Variants in MTHFD1 observed in about 807,000 individuals in gnomAD.
The protein encoded by MTHFD1 is C-1-tetrahydrofolate synthase, cytoplasmic.
In MTHFD1, 44 loss-of-function variants were observed where a neutral mutation model predicts 110.3. That is an observed-to-expected ratio of 0.40 (90% CI 0.31 to 0.51). The LOEUF is 0.51. Ranked by LOEUF, MTHFD1 falls within the 20% of genes least tolerant of loss-of-function variation. The pLI, the probability that MTHFD1 is intolerant of heterozygous loss-of-function variation, is 0.60. For synonymous variants in MTHFD1, 402 were observed against 428.8 expected (o/e 0.94, Z 0.77); for missense variants, 909 against 1,173.1 (o/e 0.77, Z 3.29).
At chr14:64,412,042 T>C (rs1314412133) in intron 3 of MTHFD1, among the ~76,000 whole-genome samples, 1 of 152,178 alleles carries the variant, frequency 6.6e-6, no homozygotes, top group Non-Finnish European at 1.5e-5. Context: ...GGGATTTACA[T>C]TGCCATGGTG....
rs2078016195 is a variant in MTHFD1, at chr14:64,415,258, T to TG, written c.241-94dup. 13 of 956,230 alleles carry TG rather than the reference T, an allele frequency of 1.4e-5. No individual in the cohort carries two copies. The East Asian group carries it at 2.9e-4, about 21-fold the overall frequency. 59.2% of individuals were successfully genotyped at this position (956,230 alleles called of 1,614,324 possible). A position where few individuals can be genotyped will look rare whatever the true frequency, so the allele number is the denominator to read the frequency against. ...TCTGAAAGGACTATAATTAAAGTGT[T>TG]GGGGGGAAATAGGGCAACCTAATTT... On this transcript the variant is annotated intron_variant, in intron 4 of 27. Coordinates refer to ENST00000652337, the MANE Select transcript of MTHFD1 (RefSeq NM_005956.4).
rs1293549216 is a variant in MTHFD1, at chr14:64,440,188, A to G, written c.1737A>G (p.Leu579=). 6 of 1,614,074 alleles carry G rather than the reference A, an allele frequency of 3.7e-6. No homozygotes were observed. Among genetic ancestry groups the G allele is most frequent in the South Asian group, 1.1e-5 (1 of 91,070 alleles). Residue 579 remains leucine, a synonymous_variant, in exon 18 of 28, where the codon CTA becomes CTG. Coordinates refer to ENST00000652337, the MANE Select transcript of MTHFD1 (RefSeq NM_005956.4). ...IMAVLALTTS[L]EDMRERLGKM... ...CTGTCCTGGCTCTCACCACTTCTCT[A>G]GAAGACATGAGAGAGAGACTGGGCA...
chr14:64,431,426 T>G, intron 13 of MTHFD1, 106 bp from the exon 14 acceptor site: 1 of 931,384 alleles, frequency 1.1e-6, no homozygotes, highest in South Asian at 1.4e-5. Context: ...TGGGCTGCCT[T>G]CAGTATTCCA....
chr14:64,424,002 C>G (rs917490350), intron 8 of MTHFD1, among the ~76,000 whole-genome samples: 4 of 152,206 alleles, frequency 2.6e-5, no homozygotes, highest in African/African-American at 9.7e-5. Context: ...GCCTGCTAAT[C>G]TCTTAATTCT....
At chr14:64,438,493 T>TTTGTACTCTGTACACTAACTCTG (rs1451314630) in intron 16 of MTHFD1, among the ~76,000 whole-genome samples, 3 of 152,246 alleles carry the variant, frequency 2.0e-5, no homozygotes, top group Admixed American at 2.0e-4. Flanking sequence ...CACTAAAATG[T>TTTGTACTCTGTACACTAACTCTG]TAACAGTAGT....
chr14:64,408,285 C>CCTTTTTTTTTTT lies in MTHFD1; in HGVS notation c.127-2805_127-2804insCTTTTTTTTTTT, dbSNP rs34166790. Among the ~76,000 whole-genome samples the CCTTTTTTTTTTT allele has an allele frequency of 2.5e-5, 3 of 121,208 alleles. 1 individual carries two copies. The allele number at this position is 121,208 out of a possible 152,430, so 79.5% of individuals were successfully genotyped here. Reference sequence around the variant, plus strand: ...CCACCTTCAAGGAGAAATCAGCATTCTTTTTTTTTTTTTTTTTTTTGAGAT... The same window carrying CCTTTTTTTTTTT: ...CCACCTTCAAGGAGAAATCAGCATTCCTTTTTTTTTTTTTTTTTTTTTTTTTTTTTTTGAGAT... On this transcript the variant is annotated intron_variant, in intron 2 of 27. Coordinates refer to ENST00000652337, the MANE Select transcript of MTHFD1 (RefSeq NM_005956.4).
Position 64,444,747 on chromosome 14 carries a change from A to G in MTHFD1, c.2178+13A>G. On this transcript the variant is annotated intron_variant, in intron 22 of 27. Coordinates refer to ENST00000652337, the MANE Select transcript of MTHFD1 (RefSeq NM_005956.4). ...TTACATACAGGAGGTAACCTGAGTT[A>G]TTTCTCATCACGTGTCCTAGAAAGC... is the stretch of plus-strand genomic sequence containing the variant. 6.2e-7 allele frequency: 1 copy of G among 1,613,728 alleles called. No homozygotes were observed. Among genetic ancestry groups the G allele is most frequent in the Non-Finnish European group, 8.5e-7 (1 of 1,179,702 alleles).
chr14:64,401,117 G>A (rs2077892790), intron 2 of MTHFD1, among the ~76,000 whole-genome samples: 1 of 151,776 alleles, frequency 6.6e-6, no homozygotes, highest in Admixed American at 6.6e-5. Flanking sequence ...TTTGGTCTTA[G>A]TAGGGCCCCT....
At chr14:64,390,815 A>G (rs1354602643) in intron 1 of MTHFD1, among the ~76,000 whole-genome samples, 1 of 152,012 alleles carries the variant, frequency 6.6e-6, no homozygotes, top group Non-Finnish European at 1.5e-5. Flanking sequence ...CGTCCGGCTA[A>G]TTTTTGTATT....
At chr14:64,437,011 A>T (rs2078211062) in intron 16 of MTHFD1, among the ~76,000 whole-genome samples, 1 of 152,120 alleles carries the variant, frequency 6.6e-6, no homozygotes, top group Non-Finnish European at 1.5e-5. Flanking sequence ...TGTGTGTCTG[A>T]TTGCTATATA....
At chr14:64,439,345 C>T (rs1026789248) in intron 17 of MTHFD1, 173 bp downstream of exon 17, 4 of 644,694 alleles carry the variant, frequency 6.2e-6, no homozygotes, top group Non-Finnish European at 1.1e-5. Context: ...ACAGCTTTTG[C>T]AATAAATCCC....
In MTHFD1 at chr14:64,449,479, C is replaced by A. The variant is rs372827157; in HGVS notation, c.2314C>A (p.Arg772Ser). 3 of 1,613,942 alleles carry A rather than the reference C, an allele frequency of 1.9e-6. No homozygotes were observed. Among genetic ancestry groups the A allele is most frequent in the Non-Finnish European group, 2.5e-6 (3 of 1,180,042 alleles). ...AGAGTCTGAGCTGGACCTCATCAGC[C>A]GCCTTTCCAGAGAACATGGGGCTTT... ...DTESELDLIS[R>S]LSREHGAFDA... The change falls in exon 24 of 28, where the codon CGC becomes AGC. Residue 772 changes from arginine to serine, a missense_variant. Arg to Ser is a moderately radical substitution (Grantham distance 110). Transcript: ENST00000652337.
At chr14:64,426,235 T>G in intron 11 of MTHFD1, 43 bp downstream of exon 11, 2 of 1,600,568 alleles carry the variant, frequency 1.2e-6, no homozygotes, top group Non-Finnish European at 1.7e-6. Flanking sequence ...TTAGTATCAG[T>G]CCTGATACTA....
intron 18 of MTHFD1, chr14:64,440,779 C>A (rs1838251385): frequency 4.3e-6 from 1 of 233,746 alleles, no homozygotes; most frequent in South Asian, 5.9e-5. Context: ...CATTGTCGTG[C>A]TCTAAAATAG....
At chr14:64,392,106 C>A (rs960052097) in intron 1 of MTHFD1, among the ~76,000 whole-genome samples, 1 of 152,168 alleles carries the variant, frequency 6.6e-6, no homozygotes, top group Non-Finnish European at 1.5e-5. Context: ...GGAGGTGGAG[C>A]CTTAAGCCTG....
chr14:64,439,069 G>A (rs757860199), intron 16 of MTHFD1, 27 bp from the exon 17 acceptor site: 50 of 1,576,904 alleles, frequency 3.2e-5, no homozygotes, highest in Non-Finnish European at 4.4e-5. Context: ...ACTCAAAATC[G>A]TTCTATATCT....
chr14:64,441,814 A>T (rs1283530269), intron 19 of MTHFD1: 5 of 598,634 alleles, frequency 8.4e-6, no homozygotes, highest in Admixed American at 2.9e-5. Flanking sequence ...AAAAAAAAAA[A>T]AAAAAATTAA....
chr14:64,441,616 C>A, intron 19 of MTHFD1, 163 bp downstream of exon 19: 1 of 665,014 alleles, frequency 1.5e-6, no homozygotes. Flanking sequence ...ACCATCCTGG[C>A]TAACATGGTG....
chr14:64,434,387 C>CA (rs1187985897), intron 15 of MTHFD1, among the ~76,000 whole-genome samples: 2 of 151,928 alleles, frequency 1.3e-5, no homozygotes, highest in East Asian at 3.9e-4. Context: ...CTCGTCTCTA[C>CA]AAAAAAATTT....
Sources: gnomAD v4.1 joint callset for allele counts (sites outside exome capture counted in the v4.1 genomes callset) on GRCh38, gnomAD v4.1.1 for gene constraint, MANE v1.5 for transcripts, NCBI Gene and HGNC (gene_info 2026-07-23, HGNC 2026-07-21) for gene names.